Variants in DNAJC1 observed in about 807,000 individuals in gnomAD.
The protein encoded by DNAJC1 is DnaJ heat shock protein family (Hsp40) member C1.
DNAJC1 carries 58 observed loss-of-function variants against 76.6 expected under a neutral mutation model. The observed-to-expected ratio is 0.76, with a 90% CI of 0.61 to 0.94. DNAJC1 has a LOEUF of 0.94. DNAJC1 is among the 40% of genes least tolerant of loss of function. The pLI is 0.00. For synonymous variants in DNAJC1, 258 were observed against 267.9 expected, an observed-to-expected ratio of 0.96 and a Z score of 0.36; for missense variants, 689 against 677.3, an observed-to-expected ratio of 1.02 and a Z score of -0.19.
intron 7 of DNAJC1, among the ~76,000 whole-genome samples, chr10:21,894,728 T>G (rs1457272556): frequency 6.6e-6 from 1 of 152,210 alleles, no homozygotes; most frequent in East Asian, 1.9e-4. Flanking sequence ...AGAAACAGTC[T>G]GCACAGAGGT....
chr10:21,852,342 C>G (rs1835770041), intron 8 of DNAJC1, among the ~76,000 whole-genome samples: 1 of 152,078 alleles, frequency 6.6e-6, no homozygotes, highest in Admixed American at 6.6e-5. Context: ...GAAGCAATTG[C>G]TCAATGGGTA....
chr10:21,896,702 T>C (rs1198749152), intron 7 of DNAJC1, among the ~76,000 whole-genome samples: 1 of 152,088 alleles, frequency 6.6e-6, no homozygotes, highest in African/African-American at 2.4e-5. Context: ...TTAATTAATA[T>C]GTTTTGTATG....
chr10:21,786,491 G>GAGAGAGAGAGAGAGAGAGAGAGAGAC (rs1387218789), intron 9 of DNAJC1, among the ~76,000 whole-genome samples: 4 of 143,074 alleles, frequency 2.8e-5, no homozygotes, highest in Admixed American at 7.0e-5. Flanking sequence ...GAGAGAGAGA[G>GAGAGAGAGAGAGAGAGAGAGAGAGAC]AGAGAGAGAG....
intron 8 of DNAJC1, among the ~76,000 whole-genome samples, chr10:21,825,309 T>C (rs963557785): frequency 7.9e-5 from 12 of 152,240 alleles, no homozygotes; most frequent in Admixed American, 6.5e-5. Flanking sequence ...TGGAATTATA[T>C]CATGTGGCCC....
rs772728663 is a variant in DNAJC1 at position 21,920,857 on chromosome 10, T to C, written c.478A>G (p.Ile160Val). ...SNAELALLLF[I>V]ILTVGHYAVV... ...GCATAATGACCCACTGTGAGAATAA[T>C]GAACAAGAGTAATGCCAGCTCAGCA... The change falls in exon 4 of 12, where the codon ATT becomes GTT. Residue 160 changes from isoleucine (I) to valine (V), a missense_variant. Transcript: ENST00000376980. The C allele has an allele frequency of 6.2e-7, 1 of 1,613,154 alleles. No individual in the cohort carries two copies.
rs60126807 is a variant in DNAJC1 at position 21,915,845 on chromosome 10, C to CA, written c.729+2933dup. Among the ~76,000 whole-genome samples the CA allele has an allele frequency of 8.7e-3, 1,076 of 123,810 alleles. 2 individuals carry two copies. Among genetic ancestry groups the CA allele is most frequent in the Admixed American group, 0.013 (164 of 12,274 alleles). The allele number at this position is 123,810 out of a possible 152,430, so 81.2% of individuals were successfully genotyped here. A position where few individuals can be genotyped will look rare whatever the true frequency, so the allele number is the denominator to read the frequency against. On this transcript the variant is annotated intron_variant, in intron 6 of 11. Coordinates refer to ENST00000376980, the MANE Select transcript of DNAJC1 (RefSeq NM_022365.4). Reference sequence around the variant, plus strand: ...TCCCACCTAGGGTACCCCCATCTCCCAAAAAAAAAAAAAAAAGTCTGGCTT... The same window carrying CA: ...TCCCACCTAGGGTACCCCCATCTCCCAAAAAAAAAAAAAAAAAGTCTGGCTT...
chr10:21,950,008 T>C (rs1248559825), intron 1 of DNAJC1, among the ~76,000 whole-genome samples: 1 of 152,000 alleles, frequency 6.6e-6, no homozygotes, highest in Non-Finnish European at 1.5e-5. Context: ...TGTGGTAGTC[T>C]ACAAATGCAA....
At chr10:21,790,174 T>C (rs907099142) in intron 9 of DNAJC1, among the ~76,000 whole-genome samples, 4 of 150,024 alleles carry the variant, frequency 2.7e-5, no homozygotes, top group African/African-American at 7.3e-5. Flanking sequence ...AAAAAAAGCT[T>C]ACAAGACTTA....
chr10:21,853,646 T>A (rs1421588074), intron 8 of DNAJC1, among the ~76,000 whole-genome samples: 1 of 151,670 alleles, frequency 6.6e-6, no homozygotes, highest in Non-Finnish European at 1.5e-5. Context: ...ATATAAAAAT[T>A]AGCTGGGCGT....
intron 9 of DNAJC1, among the ~76,000 whole-genome samples, chr10:21,768,130 TATTA>T (rs1437319313): frequency 3.3e-5 from 5 of 152,350 alleles, no homozygotes; most frequent in South Asian, 4.1e-4. Context: ...GGGTTAAAGT[TATTA>T]ATTTTTTTCA....
intron 8 of DNAJC1, among the ~76,000 whole-genome samples, chr10:21,862,092 A>G (rs972739845): frequency 2.0e-5 from 3 of 151,614 alleles, no homozygotes; most frequent in Non-Finnish European, 2.9e-5. Flanking sequence ...CTAATTTTGT[A>G]TTTTTAGTAG....
At chr10:21,772,898 A>G (rs1834404966) in intron 9 of DNAJC1, among the ~76,000 whole-genome samples, 1 of 152,144 alleles carries the variant, frequency 6.6e-6, no homozygotes, top group Admixed American at 6.5e-5. Flanking sequence ...GAAACTTACA[A>G]TCACGGCAGA....
rs552680381 is a variant in DNAJC1 at position 21,958,199 on chromosome 10, T to C, written c.223-29058A>G. On this transcript the variant is annotated intron_variant, in intron 1 of 11. Coordinates refer to ENST00000376980, the MANE Select transcript of DNAJC1 (RefSeq NM_022365.4). ...CCAAAATTTCTCCATATAATACTAA[T>C]AAAATTTTAATCCAAATGATTGAGA... 2.4e-4 allele frequency among the ~76,000 whole-genome samples: 37 copies of C among 152,306 alleles called. No homozygotes were observed. The South Asian group carries it at 5.0e-3, about 20-fold the overall frequency.
chr10:21,949,963 C>T (rs2131806279), intron 1 of DNAJC1, among the ~76,000 whole-genome samples: 1 of 151,948 alleles, frequency 6.6e-6, no homozygotes, highest in South Asian at 2.1e-4. Flanking sequence ...TAAAAATGTT[C>T]TTAGTCAAAT....
intron 7 of DNAJC1, among the ~76,000 whole-genome samples, chr10:21,902,143 T>C (rs1448979647): frequency 6.6e-6 from 1 of 152,156 alleles, no homozygotes; most frequent in Non-Finnish European, 1.5e-5. Flanking sequence ...ATTCACAGCA[T>C]AGTATGAGGA....
chr10:21,812,178 C>A (rs1834978651), intron 8 of DNAJC1, among the ~76,000 whole-genome samples: 1 of 152,026 alleles, frequency 6.6e-6, no homozygotes, highest in Non-Finnish European at 1.5e-5. Flanking sequence ...CCTGCCTCAG[C>A]CTCCCGAGTA....
intron 6 of DNAJC1, among the ~76,000 whole-genome samples, chr10:21,907,870 C>T (rs1213637878): frequency 6.7e-6 from 1 of 149,364 alleles, no homozygotes; most frequent in Non-Finnish European, 1.5e-5. Context: ...CCCCGCTACT[C>T]AGGAGGCTGA....
intron 9 of DNAJC1, among the ~76,000 whole-genome samples, chr10:21,779,933 A>G (rs536560925): frequency 7.0e-4 from 107 of 152,198 alleles, no homozygotes; most frequent in Non-Finnish European, 3.1e-4. Flanking sequence ...ATGGCAAGAG[A>G]ACTACGTGAT....
intron 8 of DNAJC1, among the ~76,000 whole-genome samples, chr10:21,881,151 A>AAG (rs956497109): frequency 6.6e-6 from 1 of 152,220 alleles, no homozygotes; most frequent in Non-Finnish European, 1.5e-5. Flanking sequence ...TCTTAGAATG[A>AAG]AGAGAGAGAG....
Sources: allele counts gnomAD v4.1 joint callset (sites outside exome capture counted in the v4.1 genomes callset), GRCh38; gene constraint gnomAD v4.1.1; transcripts MANE v1.5; gene names NCBI Gene and HGNC (gene_info 2026-07-23, HGNC 2026-07-21).